The following HNF1B variants were observed in gnomAD, a reference collection of about 807,000 sequenced individuals.
The protein encoded by HNF1B is HNF1 homeobox B, also known as hepatocyte nuclear factor 1-beta.
HNF1B carries 8 observed loss-of-function variants against 61.7 expected under a neutral mutation model. That is an observed-to-expected ratio of 0.13 (90% confidence interval 0.08 to 0.23). HNF1B has a LOEUF of 0.23. Among genes scored for constraint, HNF1B ranks in the 10% least tolerant of loss-of-function variants. The pLI, the probability that HNF1B is intolerant of heterozygous loss-of-function variation, is 1.00. For missense variants in HNF1B, 562 were observed against 714.5 expected, an observed-to-expected ratio of 0.79 and a Z score of 2.43; for synonymous variants, 314 against 287.7, an observed-to-expected ratio of 1.09 and a Z score of -0.93.
At chr17:37,717,519 A>C (rs2033164691) in intron 4 of HNF1B, among the ~76,000 whole-genome samples, 1 of 152,228 alleles carries the variant, frequency 6.6e-6, no homozygotes, top group South Asian at 2.1e-4. Flanking sequence ...ATAAATTATG[A>C]GTAGACACAG....
intron 6 of HNF1B, among the ~76,000 whole-genome samples, chr17:37,701,735 C>T (rs1253413640): frequency 1.3e-5 from 2 of 152,230 alleles, no homozygotes; most frequent in African/African-American, 2.4e-5. Context: ...CAGGTGCCAA[C>T]TCCCTTGACT....
At chr17:37,727,301 C>G (rs926368307) in intron 4 of HNF1B, among the ~76,000 whole-genome samples, 2 of 152,134 alleles carry the variant, frequency 1.3e-5, no homozygotes, top group Non-Finnish European at 2.9e-5. Context: ...AGGGACAGCT[C>G]CTGCTGGCCA....
chr17:37,739,021 A>G (rs1420639440), intron 2 of HNF1B, among the ~76,000 whole-genome samples: 1 of 152,244 alleles, frequency 6.6e-6, no homozygotes, highest in African/African-American at 2.4e-5. Flanking sequence ...GAGGAAATTA[A>G]CAGTAATAGT....
chr17:37,744,582 C>G lies in HNF1B; in HGVS notation c.303G>C (p.Glu101Asp). 3 of 1,607,088 alleles carry G rather than the reference C, an allele frequency of 1.9e-6. No individual in the cohort carries two copies. The highest frequency in any genetic ancestry group is 2.5e-6 in the Non-Finnish European group (3 of 1,179,940). Residue 101 changes from glutamate (E) to aspartate (D), a missense_variant, in exon 1 of 9, where the codon GAG becomes GAC. By Grantham distance (45) the Glu-to-Asp change is conservative. This residue lies in a region of HNF1B where 148 missense variants were observed against 147.3 expected (regional missense o/e 1.00). Coordinates refer to ENST00000617811, the MANE Select transcript of HNF1B (RefSeq NM_000458.4). Reference protein sequence around the residue: ...ILKELQALNTEEAAEQRAEVD... With the variant: ...ILKELQALNTDEAAEQRAEVD... ...CCTCCGCCCGCTGCTCCGCCGCCTCCTCGGTGTTGAGCGCCTGCAGCTCCT... is the reference window on the plus strand; with the variant it reads ...CCTCCGCCCGCTGCTCCGCCGCCTCGTCGGTGTTGAGCGCCTGCAGCTCCT...
At chr17:37,742,593 C>T (rs1417394649) in intron 1 of HNF1B, among the ~76,000 whole-genome samples, 1 of 152,040 alleles carries the variant, frequency 6.6e-6, no homozygotes, top group Non-Finnish European at 1.5e-5. Context: ...CCGCTCGGGA[C>T]GGGAGAAAAA....
At chr17:37,708,681 C>T (rs1233306401) in intron 5 of HNF1B, among the ~76,000 whole-genome samples, 5 of 152,212 alleles carry the variant, frequency 3.3e-5, no homozygotes, top group African/African-American at 1.2e-4. Context: ...AAAGACTTGT[C>T]TGTGCCTCTC....
At chr17:37,718,944 C>A (rs1410827274) in intron 4 of HNF1B, among the ~76,000 whole-genome samples, 1 of 151,978 alleles carries the variant, frequency 6.6e-6, no homozygotes, top group Non-Finnish European at 1.5e-5. Context: ...CCCAGTTTTT[C>A]TTTTCTTTTT....
At chr17:37,723,882 G>A (rs1051767540) in intron 4 of HNF1B, among the ~76,000 whole-genome samples, 1 of 152,164 alleles carries the variant, frequency 6.6e-6, no homozygotes, top group Admixed American at 6.5e-5. Context: ...ATGAGTGGAT[G>A]TCTCCACACC....
At chr17:37,710,434 T>G in intron 5 of HNF1B, 69 bp downstream of exon 5, 155 of 1,566,502 alleles carry the variant, frequency 9.9e-5, no homozygotes, top group Non-Finnish European at 1.3e-4. Context: ...GCAGGCCTTG[T>G]GAGAAGTTGT....
intron 4 of HNF1B, among the ~76,000 whole-genome samples, chr17:37,727,227 G>A (rs950945441): frequency 6.6e-6 from 1 of 152,156 alleles, no homozygotes; most frequent in African/African-American, 2.4e-5. Context: ...CAGAAGGGAG[G>A]TAGAGGCCAT....
rs774719618 is a variant in HNF1B at position 37,739,661 on chromosome 17, T to G, written c.345-22A>C. 3.8e-6 allele frequency: 6 copies of G among 1,583,698 alleles called. 1 individual carries two copies. The South Asian group carries it at 5.6e-5, about 15-fold the overall frequency. On this transcript the variant is annotated intron_variant, in intron 1 of 8. Coordinates refer to ENST00000617811, the MANE Select transcript of HNF1B (RefSeq NM_000458.4). ...CTCACTAGACAGACAAGCAGATGGTTAGGGTACTAGTGGGAGACATCTGGG... is the reference window on the plus strand; with the variant it reads ...CTCACTAGACAGACAAGCAGATGGTGAGGGTACTAGTGGGAGACATCTGGG...
intron 8 of HNF1B, among the ~76,000 whole-genome samples, chr17:37,696,187 G>A (rs1055750757): frequency 2.0e-5 from 3 of 152,166 alleles, no homozygotes; most frequent in African/African-American, 7.2e-5. Context: ...GCTCACACCT[G>A]TAATCCCAGC....
chr17:37,734,705 A>G (rs1248227662), intron 2 of HNF1B, among the ~76,000 whole-genome samples: 2 of 152,136 alleles, frequency 1.3e-5, no homozygotes, highest in South Asian at 2.1e-4. Flanking sequence ...ATGAATAAAC[A>G]TGGAGGCTAA....
At chr17:37,688,871 G>A (rs1332620770) in intron 8 of HNF1B, among the ~76,000 whole-genome samples, 1 of 152,182 alleles carries the variant, frequency 6.6e-6, no homozygotes. Flanking sequence ...TGAAGGCCTG[G>A]CGCAGTGCCT....
chr17:37,744,294 C>CGG (rs1224212036), intron 1 of HNF1B, among the ~76,000 whole-genome samples: 3 of 152,218 alleles, frequency 2.0e-5, no homozygotes, highest in Admixed American at 6.5e-5. Flanking sequence ...CCCAGCCCCG[C>CGG]GGGGAAAAGC....
At chr17:37,723,423 T>C (rs1442637222) in intron 4 of HNF1B, among the ~76,000 whole-genome samples, 2 of 152,184 alleles carry the variant, frequency 1.3e-5, no homozygotes, top group African/African-American at 4.8e-5. Flanking sequence ...CTCGACTTCA[T>C]GAACATCATG....
At chr17:37,722,694 C>A (rs1369229481) in intron 4 of HNF1B, among the ~76,000 whole-genome samples, 1 of 152,166 alleles carries the variant, frequency 6.6e-6, no homozygotes, top group East Asian at 1.9e-4. Context: ...TCCCCCCTTG[C>A]CAGTTGATTC....
chr17:37,698,178 C>A (rs1042596737), intron 8 of HNF1B, among the ~76,000 whole-genome samples: 2 of 152,096 alleles, frequency 1.3e-5, no homozygotes, highest in Admixed American at 1.3e-4. Context: ...GAGCTTCTGA[C>A]ATGAAGTTCA....
chr17:37,741,890 G>C (rs537642414), intron 1 of HNF1B, among the ~76,000 whole-genome samples: 20 of 152,298 alleles, frequency 1.3e-4, no homozygotes, highest in Non-Finnish European at 2.1e-4. Context: ...TTTTAAGTCC[G>C]ACTTAAAAGA....
Sources: gnomAD v4.1 joint callset for allele counts (sites outside exome capture counted in the v4.1 genomes callset) on GRCh38, gnomAD v4.1.1 for gene constraint, gnomAD v4.1.1 regional missense constraint, MANE v1.5 for transcripts, NCBI Gene and HGNC (gene_info 2026-07-23, HGNC 2026-07-21) for gene names.